Variants in PCDHGB3 observed in about 807,000 individuals in gnomAD.
PCDHGB3 encodes protocadherin gamma-B3.
In PCDHGB3, 40 loss-of-function variants were observed where a neutral mutation model predicts 59.2. That is an observed-to-expected ratio of 0.68 (90% CI 0.52 to 0.88). The LOEUF (loss-of-function observed/expected upper bound fraction) is 0.88, where lower values mean the gene tolerates loss of function less well. Among genes scored for constraint, PCDHGB3 ranks in the 40% least tolerant of loss-of-function variants. PCDHGB3 has a pLI of 0.00. For missense variants in PCDHGB3, 1,309 were observed against 1,187.9 expected (o/e 1.10, Z -1.50); for synonymous variants, 581 against 503.6 (o/e 1.15, Z -2.06).
chr5:141,406,344 A>G (rs1227863234), intron 1 of PCDHGB3, among the ~76,000 whole-genome samples: 1 of 152,148 alleles, frequency 6.6e-6, no homozygotes, highest in Non-Finnish European at 1.5e-5. Flanking sequence ...TCATTTATTC[A>G]GGTCATACTA....
At chr5:141,414,026 C>A in intron 1 of PCDHGB3, 1 of 1,612,468 alleles carries the variant, frequency 6.2e-7, no homozygotes, top group Non-Finnish European at 8.5e-7. Flanking sequence ...GTGACATATT[C>A]ATTCCGAAAA....
rs1452697214 is a variant in PCDHGB3 at position 141,476,552 on chromosome 5, G to T, written c.2416-18255G>T. ...CCAGGAAATGAAATTGGAGATTAGC[G>T]AGGCCGTGGCTCCGGGGACGCGCTT... On this transcript the variant is annotated intron_variant, in intron 1 of 3. Transcript: ENST00000576222. The surrounding 1 kb of genome is among the most constrained non-coding windows in gnomAD (Gnocchi z 7.6). 6.2e-7 allele frequency: 1 copy of T among 1,614,210 alleles called. No individual in the cohort carries two copies. The highest frequency in any genetic ancestry group is 2.2e-5 in the East Asian group (1 of 44,872).
intron 1 of PCDHGB3, among the ~76,000 whole-genome samples, chr5:141,458,821 C>T (rs1220034390): frequency 6.6e-6 from 1 of 152,146 alleles, no homozygotes; most frequent in Non-Finnish European, 1.5e-5. Flanking sequence ...CAACCTCTGC[C>T]TCCCAGGCTC....
intron 1 of PCDHGB3, chr5:141,395,547 TG>T (rs5871772): frequency 0.053 from 9,293 of 174,278 alleles, 481 homozygotes; most frequent in Middle Eastern, 0.08. Flanking sequence ...ATTGTTTGTG[TG>T]TGTGTGTGTG....
chr5:141,420,022 TA>T (rs2096459209), intron 1 of PCDHGB3: 1 of 1,613,986 alleles, frequency 6.2e-7, no homozygotes. Flanking sequence ...CTTTCAGCCC[TA>T]CTGCAGGAGA....
chr5:141,384,154 A>G, intron 1 of PCDHGB3: 3 of 1,613,512 alleles, frequency 1.9e-6, no homozygotes, highest in Non-Finnish European at 2.5e-6. Flanking sequence ...CTCTTTGTAT[A>G]ACATCACACT....
chr5:141,375,210 C>T, intron 1 of PCDHGB3: 1 of 1,614,008 alleles, frequency 6.2e-7, no homozygotes. Context: ...GATCGAGACT[C>T]TGGCCTGAAT....
chr5:141,454,464 T>C (rs1365696226), intron 1 of PCDHGB3, among the ~76,000 whole-genome samples: 1 of 152,196 alleles, frequency 6.6e-6, no homozygotes, highest in Non-Finnish European at 1.5e-5. Flanking sequence ...TGGAGTGCAA[T>C]GGCATGATCT....
At chr5:141,499,136 G>A (rs1488844131) in intron 2 of PCDHGB3, among the ~76,000 whole-genome samples, 1 of 152,100 alleles carries the variant, frequency 6.6e-6, no homozygotes, top group Non-Finnish European at 1.5e-5. Flanking sequence ...CATCCTTTGG[G>A]TGTCTGATCC....
rs2099687715 is a variant in PCDHGB3, at chr5:141,489,479, T to G, written c.2416-5328T>G. 1.2e-6 allele frequency: 2 copies of G among 1,614,090 alleles called. No individual in the cohort carries two copies. The highest frequency in any genetic ancestry group is 1.7e-6 in the Non-Finnish European group (2 of 1,180,010). ...GGGCGCTATTTTTCCCTGAGCTTGATGAGTGGTGCCCTGGCAGTGAATCAA... is the reference window on the plus strand; with the variant it reads ...GGGCGCTATTTTTCCCTGAGCTTGAGGAGTGGTGCCCTGGCAGTGAATCAA... On this transcript the variant is annotated intron_variant, in intron 1 of 3. Transcript: ENST00000576222. This position sits in a 1 kb window ranked among gnomAD's most constrained non-coding sequence, Gnocchi z 4.5.
chr5:141,496,284 G>A (rs1052943936), intron 2 of PCDHGB3, among the ~76,000 whole-genome samples: 6 of 152,210 alleles, frequency 3.9e-5, no homozygotes, highest in Admixed American at 1.3e-4. Context: ...CAGTTGGTCT[G>A]AGCAGAGTGG....
intron 1 of PCDHGB3, among the ~76,000 whole-genome samples, chr5:141,472,980 C>CA (rs60579131): frequency 0.042 from 3,623 of 85,966 alleles, 71 homozygotes; most frequent in South Asian, 0.079. Context: ...GAGTGAAACT[C>CA]AAAAAAAAAA....
In PCDHGB3 at chr5:141,491,665, C is replaced by A; in HGVS notation, c.2416-3142C>A. 1 of 1,613,764 alleles carries A rather than the reference C, an allele frequency of 6.2e-7. No individual in the cohort carries two copies. Among genetic ancestry groups the A allele is most frequent in the Admixed American group, 1.7e-5 (1 of 60,034 alleles). On this transcript the variant is annotated intron_variant, in intron 1 of 3. Coordinates refer to ENST00000576222, the MANE Select transcript of PCDHGB3 (RefSeq NM_018924.5). The surrounding 1 kb of genome is among the most constrained non-coding windows in gnomAD (Gnocchi z 6.9). ...TCTGGCGCTGGAGCCTGACGCCATCCGGTCCCGCTCTAATACGCTGCGGGA... is the reference window on the plus strand; with the variant it reads ...TCTGGCGCTGGAGCCTGACGCCATCAGGTCCCGCTCTAATACGCTGCGGGA...
At chr5:141,403,267 C>A in intron 1 of PCDHGB3, 1 of 1,613,888 alleles carries the variant, frequency 6.2e-7, no homozygotes, top group Non-Finnish European at 8.5e-7. Context: ...GTCTGGTGAA[C>A]TTTAAAGTCC....
At chr5:141,454,837 G>A (rs1269424734) in intron 1 of PCDHGB3, among the ~76,000 whole-genome samples, 4 of 90,354 alleles carry the variant, frequency 4.4e-5, no homozygotes, top group East Asian at 6.5e-4. Flanking sequence ...AGACAGAGTC[G>A]CGCTCTGTCA....
chr5:141,421,855 C>T (rs1329066630), intron 1 of PCDHGB3: 1 of 1,613,764 alleles, frequency 6.2e-7, no homozygotes, highest in East Asian at 2.2e-5. Context: ...GGCTGCTCAC[C>T]TGCTCCTCCT....
At chr5:141,500,370 G>C (rs766183384) in intron 2 of PCDHGB3, among the ~76,000 whole-genome samples, 1 of 151,644 alleles carries the variant, frequency 6.6e-6, no homozygotes, top group Non-Finnish European at 1.5e-5. Flanking sequence ...TACCACGCCC[G>C]GCTAATTATT....
At position 141,371,048 on chromosome 5, in the gene PCDHGB3, C is replaced by A; in HGVS notation, c.654C>A (p.Gly218=). 2 of 1,613,890 alleles carry A rather than the reference C, an allele frequency of 1.2e-6. No individual in the cohort carries two copies. The highest frequency in any genetic ancestry group is 1.7e-6 in the Non-Finnish European group (2 of 1,179,860). The change falls in exon 1 of 4, where the codon GGC becomes GGA. Residue 218 remains glycine (G), a synonymous_variant. Coordinates refer to ENST00000576222, the MANE Select transcript of PCDHGB3 (RefSeq NM_018924.5). ...TGGTCCTCACAGCTGTGGATGGGGG[C>A]GAGCCCTCCAGAAGCTGTACCACCC... is the stretch of plus-strand genomic sequence containing the variant. ...HHLVLTAVDG[G]EPSRSCTTQI...
chr5:141,501,311 AC>A (rs2099807696), intron 2 of PCDHGB3, among the ~76,000 whole-genome samples: 1 of 151,670 alleles, frequency 6.6e-6, no homozygotes, highest in Non-Finnish European at 1.5e-5. Context: ...ACACACACAC[AC>A]ACACACACAC....
Sources: allele counts gnomAD v4.1 joint callset (sites outside exome capture counted in the v4.1 genomes callset), GRCh38; gene constraint gnomAD v4.1.1; non-coding constraint Gnocchi (gnomAD v3.1); transcripts MANE v1.5; gene names NCBI Gene and HGNC (gene_info 2026-07-23, HGNC 2026-07-21).